NPEPL1: variants seen among roughly 807,000 people sequenced by gnomAD.
The protein encoded by NPEPL1 is aminopeptidase like 1, also known as probable aminopeptidase NPEPL1.
In NPEPL1, 45 loss-of-function variants were observed where a neutral mutation model predicts 52.4. That is an observed-to-expected ratio of 0.86 (90% CI 0.68 to 1.10). The LOEUF (loss-of-function observed/expected upper bound fraction) is 1.10. Ranked by LOEUF, NPEPL1 falls within the 50% of genes least tolerant of loss-of-function variation. The pLI is 0.00. For missense variants in NPEPL1, 696 were observed against 710.9 expected, an observed-to-expected ratio of 0.98 and a Z score of 0.24; for synonymous variants, 360 against 314.7, an observed-to-expected ratio of 1.14 and a Z score of -1.52.
At chr20:58,693,117 GCCCCGCCTCGCCCGCCGCACCCCCGC>G in intron 1 of NPEPL1, 67 bp downstream of exon 1, 1 of 956,686 alleles carries the variant, frequency 1.0e-6, no homozygotes, top group Non-Finnish European at 1.2e-6. Context: ...GCCCGCGGAG[GCCCCGCCTCGCCCGCCGCACCCCCGC>G]CGCCGCCGGG....
rs2084903407 is a variant in NPEPL1, at chr20:58,713,819, T to C, written c.1126-98T>C. On this transcript the variant is annotated intron_variant, in intron 9 of 11. Transcript: ENST00000356091. This position sits in a 1 kb window ranked among gnomAD's most constrained non-coding sequence, Gnocchi z 4.6. ...TTTTCTCAACCGTCTCTTTTCTGGC[T>C]CCCTTATTTCTCTGTCTGCCTCCCG... 1 of 1,292,888 alleles carries C rather than the reference T, an allele frequency of 7.7e-7. No individual in the cohort carries two copies. The highest frequency in any genetic ancestry group is 1.0e-6 in the Non-Finnish European group (1 of 984,248). 80.1% of individuals were successfully genotyped at this position (1,292,888 alleles called of 1,614,324 possible). A position where few individuals can be genotyped will look rare whatever the true frequency, so the allele number is the denominator to read the frequency against.
At chr20:58,715,018 G>T (rs974084986) in intron 11 of NPEPL1, 150 bp from the exon 12 acceptor site, 2 of 886,136 alleles carry the variant, frequency 2.3e-6, no homozygotes, top group Admixed American at 2.9e-5. Context: ...AGCATGGAAG[G>T]CTCTGGGCTC....
upstream of NPEPL1, chr20:58,692,506 G>A (rs1034598311): frequency 6.6e-6 from 1 of 152,140 alleles, no homozygotes; most frequent in Non-Finnish European, 1.5e-5. This position sits in a 1 kb window ranked among gnomAD's most constrained non-coding sequence, Gnocchi z 5.7. Flanking sequence ...TTGGGCCTAC[G>A]TCGGCCCAGG....
At position 58,694,539 on chromosome 20, in the gene NPEPL1, G is replaced by A; in HGVS notation, c.454G>A (p.Glu152Lys). The A allele has an allele frequency of 6.2e-7, 1 of 1,614,026 alleles. No individual in the cohort carries two copies. The highest frequency in any genetic ancestry group is 8.5e-7 in the Non-Finnish European group (1 of 1,179,886). ...CTTGGAGAAGAAGACGGTCACCGTG[G>A]AGTTTTTCCTGGTGGGACAAGACAA... ...RRLEKKTVTV[E>K]FFLVGQDNGP... is the part of the protein sequence containing the mutation. The change falls in exon 3 of 12, where the codon GAG becomes AAG. Residue 152 changes from glutamate (E) to lysine (K), a missense_variant. By Grantham distance (56) the Glu-to-Lys change is moderately conservative (BLOSUM62 1). Coordinates refer to ENST00000356091, the MANE Select transcript of NPEPL1 (RefSeq NM_024663.4).
intron 5 of NPEPL1, 74 bp from the exon 6 acceptor site, chr20:58,700,942 T>G: frequency 7.5e-7 from 1 of 1,329,052 alleles, no homozygotes; most frequent in Non-Finnish European, 9.7e-7. Flanking sequence ...CCGGCCAGAG[T>G]TTCCAGGGGC....
intron 7 of NPEPL1, among the ~76,000 whole-genome samples, chr20:58,710,048 TTTTTC>T (rs1301084444): frequency 4.2e-4 from 61 of 146,510 alleles, no homozygotes; most frequent in African/African-American, 1.5e-3. Flanking sequence ...TTTTTTTTTT[TTTTTC>T]CCCGAGATGG....
Position 58,714,083 on chromosome 20 carries a change from A to G in NPEPL1, c.1292A>G (p.Asn431Ser), listed in dbSNP as rs960109238. Residue 431 changes from asparagine to serine, a missense_variant, in exon 10 of 12, where the codon AAC becomes AGC. Coordinates refer to ENST00000356091, the MANE Select transcript of NPEPL1 (RefSeq NM_024663.4). ...EFTSAVADMK[N>S]SVADRDNSPS... Reference sequence around the variant, plus strand: ...ACCTCAGCTGTGGCGGACATGAAGAACTCAGTGGCGGTAGGTTTGGAGCCT... The same window carrying G: ...ACCTCAGCTGTGGCGGACATGAAGAGCTCAGTGGCGGTAGGTTTGGAGCCT... 2 of 1,547,204 alleles carry G rather than the reference A, an allele frequency of 1.3e-6. No individual in the cohort carries two copies. Among genetic ancestry groups the G allele is most frequent in the Non-Finnish European group, 1.7e-6 (2 of 1,147,902 alleles).
At chr20:58,704,128 T>A (rs1038934109) in intron 6 of NPEPL1, 42 of 985,284 alleles carry the variant, frequency 4.3e-5, no homozygotes, top group Non-Finnish European at 5.1e-5. Context: ...AATCCTGACC[T>A]GAAGGCGCTC....
At chr20:58,706,004 G>A (rs1181621626) in intron 6 of NPEPL1, among the ~76,000 whole-genome samples, 1 of 152,162 alleles carries the variant, frequency 6.6e-6, no homozygotes, top group Non-Finnish European at 1.5e-5. Flanking sequence ...TGTGTAATAA[G>A]ATAAGGGTTC....
At chr20:58,690,733 T>G (rs1445324177), upstream of NPEPL1, among the ~76,000 whole-genome samples, 1 of 152,224 alleles carries the variant, frequency 6.6e-6, no homozygotes, top group Non-Finnish European at 1.5e-5. Context: ...TCATCCTTTC[T>G]GGGGACTGTC....
chr20:58,696,950 A>G (rs980150816), intron 3 of NPEPL1, among the ~76,000 whole-genome samples: 1 of 152,192 alleles, frequency 6.6e-6, no homozygotes, highest in Non-Finnish European at 1.5e-5. Context: ...TGAGCACACC[A>G]TCATCTGACA....
chr20:58,691,015 C>A, upstream of NPEPL1: 2 of 688,588 alleles, frequency 2.9e-6, no homozygotes, highest in South Asian at 3.0e-5. Flanking sequence ...ACATATTCTG[C>A]GTCTGTGTTT....
rs1312832932 is a variant in NPEPL1, at chr20:58,693,884, C to T, written c.298C>T (p.Arg100Trp). Residue 100 changes from arginine (R) to tryptophan (W), a missense_variant, in exon 2 of 12, where the codon CGG becomes TGG. Transcript: ENST00000356091. ...CGCCCACTTCATCACGCGGCTGGTG[C>T]GGACCTGCCTGCCGCCCGGAGCGCA... ...SAAHFITRLV[R>W]TCLPPGAHRC... The T allele has an allele frequency of 2.5e-6, 4 of 1,612,152 alleles. No individual in the cohort carries two copies. The highest frequency in any genetic ancestry group is 4.5e-5 in the East Asian group (2 of 44,830).
chr20:58,704,501 A>T, intron 6 of NPEPL1: 1 of 438,894 alleles, frequency 2.3e-6, no homozygotes, highest in Non-Finnish European at 2.9e-6. Context: ...ATTAAAAATA[A>T]CATATAAATC....
chr20:58,694,708 C>G, intron 3 of NPEPL1, 116 bp downstream of exon 3: 2 of 1,122,722 alleles, frequency 1.8e-6, no homozygotes, highest in Non-Finnish European at 2.5e-6. Context: ...TCCTGCCCTT[C>G]CCAGGAGCTT....
intron 8 of NPEPL1, chr20:58,712,934 C>T (rs2084883202): frequency 2.6e-6 from 1 of 391,644 alleles, no homozygotes; most frequent in Admixed American, 3.6e-5. Flanking sequence ...CCTGCATCTC[C>T]CCCTTGAGAT....
At chr20:58,708,669 C>G (rs1253155315) in intron 7 of NPEPL1, among the ~76,000 whole-genome samples, 4 of 152,228 alleles carry the variant, frequency 2.6e-5, no homozygotes, top group Non-Finnish European at 5.9e-5. Flanking sequence ...TCTTGACTGC[C>G]CCAGCATCAT....
At chr20:58,690,036 T>G (rs748253888), upstream of NPEPL1, among the ~76,000 whole-genome samples, 20 of 152,290 alleles carry the variant, frequency 1.3e-4, no homozygotes, top group Admixed American at 2.0e-4. Context: ...TAAGCAGGCA[T>G]TAGGTTTTAT....
intron 6 of NPEPL1, among the ~76,000 whole-genome samples, chr20:58,706,532 C>T (rs1297344937): frequency 6.6e-6 from 1 of 152,156 alleles, no homozygotes; most frequent in East Asian, 1.9e-4. Flanking sequence ...AGCAGCCCCT[C>T]AGGCTTCCTC....
Sources: allele counts gnomAD v4.1 joint callset (sites outside exome capture counted in the v4.1 genomes callset), GRCh38; gene constraint gnomAD v4.1.1; non-coding constraint Gnocchi (gnomAD v3.1); transcripts MANE v1.5; gene names NCBI Gene and HGNC (gene_info 2026-07-23, HGNC 2026-07-21).